The following USH1G variants were observed in gnomAD, a reference collection of about 807,000 sequenced individuals.
USH1G encodes the protein USH1 protein network component sans, also known as pre-mRNA splicing regulator USH1G.
A neutral mutation model predicts 31.9 loss-of-function variants in USH1G; 27 were observed. The ratio of observed to expected loss-of-function variants is 0.85; its 90% CI spans 0.62 to 1.17. The LOEUF is 1.17. Ranked by LOEUF, USH1G falls within the 50% of genes most tolerant of loss-of-function variation. The pLI, the probability that USH1G is intolerant of heterozygous loss-of-function variation, is 0.00. For missense variants in USH1G, 674 were observed against 638.9 expected (o/e 1.05, Z -0.59); for synonymous variants, 266 against 283.2 (o/e 0.94, Z 0.61).
rs759065977 is a variant in USH1G, at chr17:74,919,518, A to T, written c.1318T>A (p.Leu440Met). ...TGCCGCCGCCTCCTCACGGCCCCCA[A>T]GATCTTCTTTCGGGGCCCCAGTGGG... ...SVPLGPRKKI[L>M]GAVRRRRQAM... The change falls in exon 2 of 3, where the codon TTG becomes ATG. Residue 440 changes from leucine to methionine, a missense_variant. Physicochemically the swap from Leu to Met is conservative, Grantham distance 15. Transcript: ENST00000614341. This position sits in a 1 kb window ranked among gnomAD's most constrained non-coding sequence, Gnocchi z 4.5. 6.2e-7 allele frequency: 1 copy of T among 1,611,556 alleles called. No homozygotes were observed. The highest frequency in any genetic ancestry group is 8.5e-7 in the Non-Finnish European group (1 of 1,179,738).
chr17:74,920,351 T>A lies in USH1G; in HGVS notation c.485A>T (p.Glu162Val). 1 of 1,611,878 alleles carries A rather than the reference T, an allele frequency of 6.2e-7. No homozygotes were observed. Among genetic ancestry groups the A allele is most frequent in the Non-Finnish European group, 8.5e-7 (1 of 1,179,806 alleles). The change falls in exon 2 of 3, where the codon GAG (glutamate) becomes GTG (valine). Residue 162 changes from glutamate (E) to valine (V), a missense_variant. Physicochemically the swap from Glu to Val is moderately radical, Grantham distance 121. Transcript: ENST00000614341. The surrounding 1 kb of genome is among the most constrained non-coding windows in gnomAD (Gnocchi z 5.2). ...KLQRRHHERM[E>V]RRYRRELAER... ...GGCCAGCTCGCGCCGGTATCGCCGC[T>A]CCATGCGTTCGTGGTGCCTCCGCTG...
rs955918806 is a variant in USH1G, at chr17:74,919,522, C to G, written c.1314G>C (p.Lys438Asn). 5.6e-6 allele frequency: 9 copies of G among 1,611,732 alleles called. No homozygotes were observed. The highest frequency in any genetic ancestry group is 5.0e-5 in the Admixed American group (3 of 60,008). The change falls in exon 2 of 3, where the codon AAG (lysine) becomes AAC (asparagine). Residue 438 changes from lysine to asparagine, a missense_variant. Lys to Asn is a moderately conservative substitution (Grantham distance 94). Transcript: ENST00000614341. This position sits in a 1 kb window ranked among gnomAD's most constrained non-coding sequence, Gnocchi z 4.5. ...SISVPLGPRK[K>N]ILGAVRRRRQ... is the part of the protein sequence containing the mutation. ...GCCGCCTCCTCACGGCCCCCAAGAT[C>G]TTCTTTCGGGGCCCCAGTGGGACGC... is the stretch of plus-strand genomic sequence containing the variant.
rs555190258 is a variant in USH1G, at chr17:74,917,730, C to T, written c.*343G>A. On this transcript the variant is annotated 3_prime_UTR_variant, in exon 3 of 3. Transcript: ENST00000614341. The stretch of plus-strand genomic sequence containing the variant: ...GGCGCCCGGGACAGGTGCACCCTCC[C>T]GCATCCACCTCCCACACTCTCATCC... 2 of 387,662 alleles carry T rather than the reference C, an allele frequency of 5.2e-6. No homozygotes were observed. The highest frequency in any genetic ancestry group is 9.6e-5 in the East Asian group (2 of 20,848). The allele number at this position is 387,662 out of a possible 1,614,324, so 24.0% of individuals were successfully genotyped here. A position where few individuals can be genotyped will look rare whatever the true frequency, so the allele number is the denominator to read the frequency against.
chr17:74,920,619 C>G lies in USH1G; in HGVS notation c.217G>C (p.Ala73Pro). Residue 73 changes from alanine to proline, a missense_variant, in exon 2 of 3, where the codon GCT (alanine) becomes CCT (proline). Ala to Pro is a conservative substitution (Grantham distance 27). Transcript: ENST00000614341. This position sits in a 1 kb window ranked among gnomAD's most constrained non-coding sequence, Gnocchi z 5.2. ...IWGNTPLHLA[A>P]SNGHLHCLSF... ...AGGCAGTGCAAGTGGCCATTGGAAG[C>G]TGCCAGATGCAGGGGTGTGTTGCCC... The G allele has an allele frequency of 1.2e-6, 2 of 1,613,876 alleles. No individual in the cohort carries two copies. The highest frequency in any genetic ancestry group is 1.7e-6 in the Non-Finnish European group (2 of 1,180,046).
At position 74,920,028 on chromosome 17, in the gene USH1G, C is replaced by T; in HGVS notation, c.808G>A (p.Ala270Thr). Residue 270 changes from alanine to threonine, a missense_variant, in exon 2 of 3, where the codon GCC (alanine) becomes ACC (threonine). Coordinates refer to ENST00000614341, the MANE Select transcript of USH1G (RefSeq NM_173477.5). This position sits in a 1 kb window ranked among gnomAD's most constrained non-coding sequence, Gnocchi z 5.2. ...TYANPKEWGR[A>T]PLRDMFLSDE... Reference sequence around the variant, plus strand: ...GAGAGGAACATGTCCCGGAGCGGGGCTCGGCCCCACTCCTTGGGATTGGCG... The same window carrying T: ...GAGAGGAACATGTCCCGGAGCGGGGTTCGGCCCCACTCCTTGGGATTGGCG... 6.2e-7 allele frequency: 1 copy of T among 1,611,266 alleles called. No individual in the cohort carries two copies. Among genetic ancestry groups the T allele is most frequent in the South Asian group, 1.1e-5 (1 of 91,086 alleles).
chr17:74,922,627 G>T (rs573039959), intron 1 of USH1G, among the ~76,000 whole-genome samples: 18 of 152,084 alleles, frequency 1.2e-4, no homozygotes, highest in African/African-American at 4.3e-4. Context: ...GGGGACCCCA[G>T]CCAGGGGATC....
Position 74,917,944 on chromosome 17 carries a change from G to A in USH1G, c.*129C>T, listed in dbSNP as rs2038887337. 8.3e-7 allele frequency: 1 copy of A among 1,203,376 alleles called. No homozygotes were observed. The highest frequency in any genetic ancestry group is 1.5e-5 in the African/African-American group (1 of 66,384). The allele number at this position is 1,203,376 out of a possible 1,614,324, so 74.5% of individuals were successfully genotyped here. A position where few individuals can be genotyped will look rare whatever the true frequency, so the allele number is the denominator to read the frequency against. On this transcript the variant is annotated 3_prime_UTR_variant, in exon 3 of 3. Transcript: ENST00000614341. ...TCAAGGTGCAGACAGACTTTCAAAG[G>A]AGTCGCCCCAACTGGTCCTTGCTCC...
rs781625717 is a variant in USH1G, at chr17:74,919,563, C to A, written c.1273G>T (p.Asp425Tyr). The change falls in exon 2 of 3, where the codon GAC becomes TAC. Residue 425 changes from aspartate to tyrosine, a missense_variant. By Grantham distance (160) the Asp-to-Tyr change is radical (BLOSUM62 -3). Transcript: ENST00000614341. The surrounding 1 kb of genome is among the most constrained non-coding windows in gnomAD (Gnocchi z 4.5). Reference protein sequence around the residue: ...LEALMLCSDLDLRSISVPLGP... With the variant: ...LEALMLCSDLYLRSISVPLGP... ...AGTGGGACGCTGATGCTGCGGAGGT[C>A]GAGGTCAGAGCACAGCATCAAAGCC... The A allele has an allele frequency of 5.6e-6, 9 of 1,612,572 alleles. No homozygotes were observed. The highest frequency in any genetic ancestry group is 7.6e-6 in the Non-Finnish European group (9 of 1,180,024).
Position 74,919,605 on chromosome 17 carries a change from C to T in USH1G, c.1231G>A (p.Glu411Lys), listed in dbSNP as rs1220105000. ...ATCAAAGCCTCGAGGTCGATCTTCT[C>T]CTGCCGCAGGAGGGCGGCAAAGTCC... The part of the protein sequence containing the change: ...MEDFAALLRQ[E>K]KIDLEALMLC... The change falls in exon 2 of 3, where the codon GAG (glutamate) becomes AAG (lysine). Residue 411 changes from glutamate to lysine, a missense_variant. Physicochemically the swap from Glu to Lys is moderately conservative, Grantham distance 56. Coordinates refer to ENST00000614341, the MANE Select transcript of USH1G (RefSeq NM_173477.5). The surrounding 1 kb of genome is among the most constrained non-coding windows in gnomAD (Gnocchi z 4.5). The T allele has an allele frequency of 1.9e-6, 3 of 1,612,682 alleles. No individual in the cohort carries two copies. The highest frequency in any genetic ancestry group is 2.7e-5 in the African/African-American group (2 of 74,944).
chr17:74,917,697 G>T lies in USH1G; in HGVS notation c.*376C>A. Reference sequence around the variant, plus strand: ...CAAGACCATCAGGGGAGGGGTGGGAGAGGCCACGGCGCCCGGGACAGGTGC... The same window carrying T: ...CAAGACCATCAGGGGAGGGGTGGGATAGGCCACGGCGCCCGGGACAGGTGC... On this transcript the variant is annotated 3_prime_UTR_variant, in exon 3 of 3. Coordinates refer to ENST00000614341, the MANE Select transcript of USH1G (RefSeq NM_173477.5). 1 of 329,686 alleles carries T rather than the reference G, an allele frequency of 3.0e-6. No individual in the cohort carries two copies. Among genetic ancestry groups the T allele is most frequent in the Admixed American group, 3.9e-5 (1 of 25,854 alleles). 20.4% of individuals were successfully genotyped at this position (329,686 alleles called of 1,614,324 possible). A position where few individuals can be genotyped will look rare whatever the true frequency, so the allele number is the denominator to read the frequency against.
In USH1G at chr17:74,919,362, C is replaced by A; in HGVS notation, c.1382+92G>T. 1 of 1,437,102 alleles carries A rather than the reference C, an allele frequency of 7.0e-7. No individual in the cohort carries two copies. The highest frequency in any genetic ancestry group is 9.2e-7 in the Non-Finnish European group (1 of 1,086,652). 89.0% of individuals were successfully genotyped at this position (1,437,102 alleles called of 1,614,324 possible). A position where few individuals can be genotyped will look rare whatever the true frequency, so the allele number is the denominator to read the frequency against. ...ATTTTATGAAATACAGTATCCCCCA[C>A]CCCCTACTCCTGAATAGGCAGATCT... On this transcript the variant is annotated intron_variant, in intron 2 of 2. Coordinates refer to ENST00000614341, the MANE Select transcript of USH1G (RefSeq NM_173477.5). The surrounding 1 kb of genome is among the most constrained non-coding windows in gnomAD (Gnocchi z 4.5).
At position 74,921,472 on chromosome 17, in the gene USH1G, C is replaced by T. The variant is rs2038942487; in HGVS notation, c.165-801G>A. The stretch of plus-strand genomic sequence containing the variant: ...AGACGGGTGTCCCCCAGGGCAAGCT[C>T]CCAAGACTCCTCCGGAGCTCTCCCT... On this transcript the variant is annotated intron_variant, in intron 1 of 2. Coordinates refer to ENST00000614341, the MANE Select transcript of USH1G (RefSeq NM_173477.5). The surrounding 1 kb of genome is among the most constrained non-coding windows in gnomAD (Gnocchi z 4.6). Among the ~76,000 whole-genome samples the T allele has an allele frequency of 1.3e-5, 2 of 151,936 alleles. No homozygotes were observed. The highest frequency in any genetic ancestry group is 1.3e-4 in the Admixed American group (2 of 15,276).
Position 74,919,969 on chromosome 17 carries a change from C to T in USH1G, c.867G>A (p.Ala289=), listed in dbSNP as rs747754501. The part of the protein sequence containing the change: ...DEDSVSRATL[A]AEPAHSEVST... ...TGACCTCCGAGTGGGCAGGCTCGGC[C>T]GCCAGCGTGGCACGGGAGACGCTGT... The change falls in exon 2 of 3, where the codon GCG becomes GCA. Residue 289 remains alanine (A), a synonymous_variant. Coordinates refer to ENST00000614341, the MANE Select transcript of USH1G (RefSeq NM_173477.5). This position sits in a 1 kb window ranked among gnomAD's most constrained non-coding sequence, Gnocchi z 4.5. 2.5e-6 allele frequency: 4 copies of T among 1,611,680 alleles called. No homozygotes were observed. In the African/African-American group the frequency reaches 4.0e-5, roughly 16 times the overall value.
rs755013643 is a variant in USH1G at position 74,919,630 on chromosome 17, C to T, written c.1206G>A (p.Glu402=). Residue 402 remains glutamate (E), a synonymous_variant, in exon 2 of 3, where the codon GAG becomes GAA. Coordinates refer to ENST00000614341, the MANE Select transcript of USH1G (RefSeq NM_173477.5). The surrounding 1 kb of genome is among the most constrained non-coding windows in gnomAD (Gnocchi z 4.5). ...CCTGCCGCAGGAGGGCGGCAAAGTCCTCCATGTGCAGAGAGGCCAGGAAGG... is the reference window on the plus strand; with the variant it reads ...CCTGCCGCAGGAGGGCGGCAAAGTCTTCCATGTGCAGAGAGGCCAGGAAGG... ...LETFLASLHM[E]DFAALLRQEK... The T allele has an allele frequency of 1.2e-5, 19 of 1,612,704 alleles. No individual in the cohort carries two copies. Among genetic ancestry groups the T allele is most frequent in the Non-Finnish European group, 1.6e-5 (19 of 1,180,034 alleles).
At position 74,917,497 on chromosome 17, in the gene USH1G, G is replaced by T. The variant is rs1176975342; in HGVS notation, c.*576C>A. On this transcript the variant is annotated 3_prime_UTR_variant, in exon 3 of 3. Coordinates refer to ENST00000614341, the MANE Select transcript of USH1G (RefSeq NM_173477.5). ...CGGGCCTTGACCACTAGGTGAAGGA[G>T]GGGGAGCTGGCTATGCTTGGGATGG... 1 of 154,406 alleles carries T rather than the reference G, an allele frequency of 6.5e-6. No individual in the cohort carries two copies. Among genetic ancestry groups the T allele is most frequent in the African/African-American group, 2.4e-5 (1 of 41,480 alleles). The allele number at this position is 154,406 out of a possible 1,614,324, so 9.6% of individuals were successfully genotyped here.
intron 1 of USH1G, among the ~76,000 whole-genome samples, chr17:74,922,210 C>T (rs913815366): frequency 1.3e-5 from 2 of 152,096 alleles, no homozygotes; most frequent in Admixed American, 6.5e-5. Flanking sequence ...AGGCCCCTTC[C>T]CTGGCACTGA....
chr17:74,919,990 G>T lies in USH1G; in HGVS notation c.846C>A (p.Ser282Arg). 1 of 1,612,150 alleles carries T rather than the reference G, an allele frequency of 6.2e-7. No individual in the cohort carries two copies. Among genetic ancestry groups the T allele is most frequent in the Non-Finnish European group, 8.5e-7 (1 of 1,179,504 alleles). Residue 282 changes from serine to arginine, a missense_variant, in exon 2 of 3, where the codon AGC becomes AGA. Ser to Arg is a moderately radical substitution (Grantham distance 110). Coordinates refer to ENST00000614341, the MANE Select transcript of USH1G (RefSeq NM_173477.5). This position sits in a 1 kb window ranked among gnomAD's most constrained non-coding sequence, Gnocchi z 4.5. ...CGGCCGCCAGCGTGGCACGGGAGACGCTGTCCTCGTCCGAGAGGAACATGT... is the reference window on the plus strand; with the variant it reads ...CGGCCGCCAGCGTGGCACGGGAGACTCTGTCCTCGTCCGAGAGGAACATGT... The part of the protein sequence containing the change: ...LRDMFLSDED[S>R]VSRATLAAEP...
rs1312913789 is a variant in USH1G at position 74,916,605 on chromosome 17, G to C, written c.*1468C>G. On this transcript the variant is annotated 3_prime_UTR_variant, in exon 3 of 3. Transcript: ENST00000614341. ...AGAAAGGAGGAGAGCACCTCTGCATGGGGTGCAAAGGGGCGCACACGTGTC... is the reference window on the plus strand; with the variant it reads ...AGAAAGGAGGAGAGCACCTCTGCATCGGGTGCAAAGGGGCGCACACGTGTC... 1 of 152,352 alleles carries C rather than the reference G, an allele frequency of 6.6e-6. No homozygotes were observed. The highest frequency in any genetic ancestry group is 2.4e-5 in the African/African-American group (1 of 41,550). The allele number at this position is 152,352 out of a possible 1,614,324, so 9.4% of individuals were successfully genotyped here.
chr17:74,920,787 G>A lies in USH1G; in HGVS notation c.165-116C>T. 2.1e-6 allele frequency: 3 copies of A among 1,440,560 alleles called. No homozygotes were observed. Among genetic ancestry groups the A allele is most frequent in the Non-Finnish European group, 1.9e-6 (2 of 1,065,136 alleles). 89.2% of individuals were successfully genotyped at this position (1,440,560 alleles called of 1,614,324 possible). On this transcript the variant is annotated intron_variant, in intron 1 of 2. Coordinates refer to ENST00000614341, the MANE Select transcript of USH1G (RefSeq NM_173477.5). This position sits in a 1 kb window ranked among gnomAD's most constrained non-coding sequence, Gnocchi z 5.2. ...TGTCACAGCAACCCCCAAAGGGACC[G>A]TGGGCCTGAGATCTCTCCCACTCCA...
Sources: gnomAD v4.1 joint callset for allele counts (sites outside exome capture counted in the v4.1 genomes callset) on GRCh38, gnomAD v4.1.1 for gene constraint, Gnocchi (gnomAD v3.1) non-coding constraint, MANE v1.5 for transcripts, NCBI Gene and HGNC (gene_info 2026-07-23, HGNC 2026-07-21) for gene names.